Variants in GREB1L observed in about 807,000 individuals in gnomAD.
GREB1L encodes the protein GREB1 like retinoic acid receptor coactivator, also known as GREB1-like protein.
GREB1L carries 17 observed loss-of-function variants against 200.8 expected under a neutral mutation model. The ratio of observed to expected loss-of-function variants is 0.08; its 90% confidence interval spans 0.06 to 0.13. The LOEUF (loss-of-function observed/expected upper bound fraction) is 0.13, where lower values mean the gene tolerates loss of function less well. GREB1L is among the 10% of genes least tolerant of loss of function. The pLI, the probability that GREB1L is intolerant of heterozygous loss-of-function variation, is 1.00. For missense variants in GREB1L, 1,657 were observed against 2,367.7 expected (o/e 0.70, Z 6.23); for synonymous variants, 789 against 893.0 (o/e 0.88, Z 2.08).
In GREB1L at chr18:21,393,506, C is replaced by T. The variant is rs561701627; in HGVS notation, c.356-1879C>T. 5.9e-5 allele frequency among the ~76,000 whole-genome samples: 9 copies of T among 152,162 alleles called. No individual in the cohort carries two copies. The East Asian group carries it at 9.7e-4, about 16-fold the overall frequency. On this transcript the variant is annotated intron_variant, in intron 4 of 32. Transcript: ENST00000424526. ...TTGTTTGTTTTTTGAGACAGAGCCT[C>T]GCTCTGTTGCCCAGGCTGGAGTGCA...
chr18:21,428,605 T>C (rs952551421), intron 7 of GREB1L, among the ~76,000 whole-genome samples: 1 of 124,770 alleles, frequency 8.0e-6, no homozygotes, highest in Non-Finnish European at 1.5e-5. Context: ...ATTTCAGCTA[T>C]AAATCTCACT....
At chr18:21,316,724 A>G (rs2038874139) in intron 1 of GREB1L, among the ~76,000 whole-genome samples, 1 of 139,406 alleles carries the variant, frequency 7.2e-6, no homozygotes, top group Non-Finnish European at 1.6e-5. Context: ...ACAAAGTTGT[A>G]TTGTCACCAG....
chr18:21,253,494 A>G (rs1315993425), intron 1 of GREB1L, among the ~76,000 whole-genome samples: 2 of 151,756 alleles, frequency 1.3e-5, no homozygotes, highest in Non-Finnish European at 2.9e-5. Flanking sequence ...CAGGTGATCC[A>G]CCCGCCTTGG....
chr18:21,251,367 C>G (rs2037700564), intron 1 of GREB1L, among the ~76,000 whole-genome samples: 2 of 152,130 alleles, frequency 1.3e-5, no homozygotes, highest in Non-Finnish European at 2.9e-5. Flanking sequence ...CAATAAAACA[C>G]AAGGAACATA....
intron 7 of GREB1L, among the ~76,000 whole-genome samples, chr18:21,424,251 T>C (rs1188824259): frequency 6.6e-6 from 1 of 152,188 alleles, no homozygotes; most frequent in East Asian, 1.9e-4. Flanking sequence ...GTTTATAATT[T>C]TGTTTATACA....
chr18:21,484,387 C>CTGG (rs1243999989), intron 17 of GREB1L, among the ~76,000 whole-genome samples: 3 of 151,824 alleles, frequency 2.0e-5, no homozygotes, highest in Middle Eastern at 3.2e-3. Flanking sequence ...ATTGGCCAGG[C>CTGG]TGGTCTCAAA....
intron 1 of GREB1L, among the ~76,000 whole-genome samples, chr18:21,360,813 G>C (rs1484973803): frequency 6.6e-6 from 1 of 152,160 alleles, no homozygotes; most frequent in African/African-American, 2.4e-5. Flanking sequence ...TTATGAAATA[G>C]GTAAGTCATG....
At chr18:21,411,811 C>T (rs1292898417) in intron 7 of GREB1L, among the ~76,000 whole-genome samples, 9 of 150,360 alleles carry the variant, frequency 6.0e-5, no homozygotes, top group African/African-American at 1.9e-4. Context: ...TTTGGGAGGC[C>T]GAGGCGGGTG....
intron 17 of GREB1L, among the ~76,000 whole-genome samples, chr18:21,481,610 G>A (rs1350881397): frequency 1.3e-5 from 2 of 151,926 alleles, no homozygotes; most frequent in East Asian, 1.9e-4. Flanking sequence ...TCAAGAAACA[G>A]AATATTACCA....
chr18:21,477,203 T>G lies in GREB1L; in HGVS notation c.2403T>G (p.His801Gln). The G allele has an allele frequency of 1.9e-6, 3 of 1,552,134 alleles. No individual in the cohort carries two copies. In the South Asian group the frequency reaches 3.6e-5, roughly 18 times the overall value. The change falls in exon 17 of 33, where the codon CAT (histidine) becomes CAG (glutamine). Residue 801 changes from histidine (H) to glutamine (Q), a missense_variant. By Grantham distance (24) the His-to-Gln change is conservative. Transcript: ENST00000424526. ...CTTTGTCACATAGCGAACCCAGTCA[T>G]GGGCTAGCTGATAGAGTCATTAATT... ...SGSLSHSEPS[H>Q]GLADRVINCR...
chr18:21,472,759 A>G (rs1488353482), intron 15 of GREB1L, among the ~76,000 whole-genome samples: 1 of 152,222 alleles, frequency 6.6e-6, no homozygotes, highest in Non-Finnish European at 1.5e-5. Context: ...CAAAGGTCTC[A>G]TACACTCAGC....
chr18:21,413,094 T>C (rs1197013074), intron 7 of GREB1L, among the ~76,000 whole-genome samples: 1 of 152,152 alleles, frequency 6.6e-6, no homozygotes, highest in East Asian at 1.9e-4. Flanking sequence ...TGTCCAACAC[T>C]TTTCCTTCCC....
chr18:21,339,854 A>G (rs1185895465), intron 1 of GREB1L, among the ~76,000 whole-genome samples: 2 of 152,206 alleles, frequency 1.3e-5, no homozygotes, highest in Admixed American at 1.3e-4. Flanking sequence ...TCTTACAAAG[A>G]TCTAGAACCT....
intron 7 of GREB1L, among the ~76,000 whole-genome samples, chr18:21,437,415 C>T (rs567754644): frequency 6.6e-5 from 10 of 152,154 alleles, no homozygotes; most frequent in East Asian, 3.9e-4. Context: ...GTTACTAAAG[C>T]GATCAGATGA....
At chr18:21,249,619 C>T (rs1268683936) in intron 1 of GREB1L, among the ~76,000 whole-genome samples, 2 of 152,072 alleles carry the variant, frequency 1.3e-5, no homozygotes, top group South Asian at 4.2e-4. Flanking sequence ...CTTTGGGAGA[C>T]CAAGGTCGGT....
At position 21,454,549 on chromosome 18, in the gene GREB1L, G is replaced by T. The variant is rs754346764; in HGVS notation, c.2168G>T (p.Arg723Leu). 5 of 1,551,222 alleles carry T rather than the reference G, an allele frequency of 3.2e-6. No homozygotes were observed. The highest frequency in any genetic ancestry group is 4.4e-6 in the Non-Finnish European group (5 of 1,146,660). Reference sequence around the variant, plus strand: ...GTGTTGGTTCAGCAAACTCTTCAGCGGATTCGACAATCAGGTAAGAGTGAA... The same window carrying T: ...GTGTTGGTTCAGCAAACTCTTCAGCTGATTCGACAATCAGGTAAGAGTGAA... Reference protein sequence around the residue: ...SEVLVQQTLQRIRQSGVLVDL... With the variant: ...SEVLVQQTLQLIRQSGVLVDL... The change falls in exon 15 of 33, where the codon CGG becomes CTG. Residue 723 changes from arginine to leucine, a missense_variant. Coordinates refer to ENST00000424526, the MANE Select transcript of GREB1L (RefSeq NM_001142966.3).
chr18:21,274,636 G>C (rs1271364151), intron 1 of GREB1L, among the ~76,000 whole-genome samples: 2 of 152,134 alleles, frequency 1.3e-5, no homozygotes, highest in Non-Finnish European at 2.9e-5. Flanking sequence ...ACACATGCCT[G>C]TAATCCTGGC....
At chr18:21,399,453 T>TTGGATGGATGGATGGATGGATGGA (rs111906534) in intron 5 of GREB1L, among the ~76,000 whole-genome samples, 1 of 146,086 alleles carries the variant, frequency 6.8e-6, no homozygotes, top group Non-Finnish European at 1.5e-5. Context: ...GGATGGATGG[T>TTGGATGGATGGATGGATGGATGGA]TGGATGGATG....
intron 1 of GREB1L, among the ~76,000 whole-genome samples, chr18:21,245,467 G>C (rs1237775965): frequency 6.6e-6 from 1 of 152,004 alleles, no homozygotes; most frequent in Non-Finnish European, 1.5e-5. Flanking sequence ...AAATGGTAAT[G>C]GTTTTTATTT....
Sources: gnomAD v4.1 joint callset for allele counts (sites outside exome capture counted in the v4.1 genomes callset) on GRCh38, gnomAD v4.1.1 for gene constraint, MANE v1.5 for transcripts, NCBI Gene and HGNC (gene_info 2026-07-23, HGNC 2026-07-21) for gene names.